The following DLG2 variants were observed in gnomAD, a reference collection of about 807,000 sequenced individuals.
DLG2 encodes the protein discs large MAGUK scaffold protein 2, also known as disks large homolog 2.
DLG2 carries 45 observed loss-of-function variants against 132.5 expected under a neutral mutation model. The observed-to-expected ratio is 0.34, with a 90% CI of 0.27 to 0.44. DLG2 has a LOEUF of 0.44. Ranked by LOEUF, DLG2 falls within the 20% of genes least tolerant of loss-of-function variation. The pLI is 1.00. For synonymous variants in DLG2, 424 were observed against 419.6 expected (o/e 1.01, Z -0.13); for missense variants, 1,045 against 1,196.9 (o/e 0.87, Z 1.87).
intron 6 of DLG2, among the ~76,000 whole-genome samples, chr11:84,826,083 G>A (rs1022475668): frequency 6.6e-6 from 1 of 151,608 alleles, no homozygotes; most frequent in African/African-American, 2.4e-5. Context: ...TAGATAGTAG[G>A]TATATATATT....
chr11:83,764,974 G>T (rs1280969571), intron 18 of DLG2, among the ~76,000 whole-genome samples: 1 of 152,212 alleles, frequency 6.6e-6, no homozygotes. Flanking sequence ...ACACTCTCTA[G>T]ATTTGACTTG....
intron 7 of DLG2, among the ~76,000 whole-genome samples, chr11:84,270,889 A>G (rs1448582937): frequency 1.3e-5 from 2 of 152,212 alleles, no homozygotes; most frequent in East Asian, 3.8e-4. Flanking sequence ...TATATTTGTC[A>G]CTGATTTAAC....
intron 8 of DLG2, among the ~76,000 whole-genome samples, chr11:84,193,799 T>C (rs2154293014): frequency 6.6e-6 from 1 of 152,334 alleles, no homozygotes; most frequent in South Asian, 2.1e-4. Flanking sequence ...TTTGTTACAC[T>C]GTGTCCCTAC....
chr11:84,280,175 A>G (rs2097838938), intron 7 of DLG2, among the ~76,000 whole-genome samples: 1 of 152,244 alleles, frequency 6.6e-6, no homozygotes, highest in Non-Finnish European at 1.5e-5. Context: ...ACAAGGTTGT[A>G]GAACACAAGA....
At chr11:85,150,059 G>T (rs533629327) in intron 5 of DLG2, among the ~76,000 whole-genome samples, 1 of 114,644 alleles carries the variant, frequency 8.7e-6, no homozygotes, top group African/African-American at 3.7e-5. Context: ...TCACTCAGTC[G>T]CCCAGGCTGG....
At chr11:85,289,326 C>A (rs538763617) in intron 3 of DLG2, among the ~76,000 whole-genome samples, 12 of 152,214 alleles carry the variant, frequency 7.9e-5, no homozygotes, top group Admixed American at 2.6e-4. Flanking sequence ...CAGGCCCTCG[C>A]CATCTGTTAC....
Position 85,498,718 on chromosome 11 carries a change from A to G in DLG2, c.40+99939T>C, listed in dbSNP as rs551070859. Among the ~76,000 whole-genome samples, 3 of 152,338 alleles carry G rather than the reference A, an allele frequency of 2.0e-5. No individual in the cohort carries two copies. The East Asian group carries it at 5.8e-4, about 29-fold the overall frequency. On this transcript the variant is annotated intron_variant, in intron 3 of 27. Transcript: ENST00000376104. The stretch of plus-strand genomic sequence containing the variant: ...TCAGGAATGTAAACAAACAGGAATC[A>G]CAACAAACTGTCTCTCAGACCACAG...
chr11:83,501,607 C>T (rs2094455706), intron 21 of DLG2, among the ~76,000 whole-genome samples: 1 of 152,188 alleles, frequency 6.6e-6, no homozygotes, highest in Non-Finnish European at 1.5e-5. Context: ...CCTGAAACCT[C>T]ATTCAAGGTC....
At chr11:83,930,594 C>G in intron 14 of DLG2, 111 bp from the exon 15 acceptor site, 1 of 1,156,230 alleles carries the variant, frequency 8.6e-7, no homozygotes, top group Non-Finnish European at 1.2e-6. Context: ...GCCATTTTAT[C>G]TTGATTTGTT....
At chr11:85,394,157 A>T (rs2087067672) in intron 3 of DLG2, among the ~76,000 whole-genome samples, 1 of 152,216 alleles carries the variant, frequency 6.6e-6, no homozygotes, top group Non-Finnish European at 1.5e-5. Context: ...TTTTTGTTTA[A>T]ACATCTAAAT....
At chr11:85,594,844 G>A (rs2079619181) in intron 3 of DLG2, among the ~76,000 whole-genome samples, 1 of 151,928 alleles carries the variant, frequency 6.6e-6, no homozygotes, top group South Asian at 2.1e-4. Context: ...AAGGCCAGCA[G>A]ATCACAAGGT....
At chr11:83,664,143 T>C (rs1346087219) in intron 18 of DLG2, among the ~76,000 whole-genome samples, 2 of 152,140 alleles carry the variant, frequency 1.3e-5, no homozygotes, top group South Asian at 2.1e-4. Context: ...ATGGATTCAG[T>C]GAATGAAAAT....
At chr11:84,358,642 G>T (rs1444299073) in intron 7 of DLG2, among the ~76,000 whole-genome samples, 1 of 151,760 alleles carries the variant, frequency 6.6e-6, no homozygotes, top group Non-Finnish European at 1.5e-5. Context: ...CATATTAAAT[G>T]GCTGCTGGGA....
intron 7 of DLG2, among the ~76,000 whole-genome samples, chr11:84,267,764 T>C (rs1308838020): frequency 6.6e-6 from 1 of 152,240 alleles, no homozygotes; most frequent in East Asian, 1.9e-4. Context: ...TACATTTGTT[T>C]CATTCTTTTA....
At chr11:84,681,728 C>G (rs899841470) in intron 6 of DLG2, among the ~76,000 whole-genome samples, 1 of 151,672 alleles carries the variant, frequency 6.6e-6, no homozygotes, top group African/African-American at 2.4e-5. Flanking sequence ...CTAGTAAGGG[C>G]AATTAAAGTC....
chr11:85,020,978 G>A, intron 6 of DLG2: 1 of 778,598 alleles, frequency 1.3e-6, no homozygotes. Flanking sequence ...CGGAGCTGCT[G>A]CTCTGCTCCT....
intron 8 of DLG2, among the ~76,000 whole-genome samples, chr11:84,231,552 T>C (rs1331458089): frequency 6.6e-6 from 1 of 152,092 alleles, no homozygotes; most frequent in African/African-American, 2.4e-5. Flanking sequence ...ATTGTGTTCA[T>C]GGAAATCATC....
At chr11:85,398,425 G>A (rs1200899219) in intron 3 of DLG2, among the ~76,000 whole-genome samples, 2 of 151,992 alleles carry the variant, frequency 1.3e-5, no homozygotes, top group African/African-American at 2.4e-5. Flanking sequence ...AAATAACTAA[G>A]ATCAGAGAAG....
At chr11:84,626,609 C>G (rs1565490883) in intron 6 of DLG2, among the ~76,000 whole-genome samples, 1 of 152,090 alleles carries the variant, frequency 6.6e-6, no homozygotes, top group Non-Finnish European at 1.5e-5. Flanking sequence ...AAGATCCAGT[C>G]CTTATTAATT....
Sources: gnomAD v4.1 joint callset for allele counts (sites outside exome capture counted in the v4.1 genomes callset) on GRCh38, gnomAD v4.1.1 for gene constraint, MANE v1.5 for transcripts, NCBI Gene and HGNC (gene_info 2026-07-23, HGNC 2026-07-21) for gene names.